Variants in TREML1 observed in about 807,000 individuals in gnomAD.
TREML1 encodes trem-like transcript 1 protein.
In TREML1, 27 loss-of-function variants were observed where a neutral mutation model predicts 22.8. That is an observed-to-expected ratio of 1.19 (90% CI 0.87 to 1.64). The LOEUF is 1.64. Among genes scored for constraint, TREML1 ranks in the 40% most tolerant of loss-of-function variants. TREML1 has a pLI of 0.00. For synonymous variants in TREML1, 153 were observed against 161.9 expected, an observed-to-expected ratio of 0.94 and a Z score of 0.42; for missense variants, 356 against 382.0, an observed-to-expected ratio of 0.93 and a Z score of 0.57.
rs1343310705 is a variant in TREML1, at chr6:41,149,412, G to A, written c.*192C>T. ...AGAAGAACCAGTGGGGGAGTTGGGT[G>A]CAGGGAGGTCTTCCCCAAGACATCT... is the stretch of plus-strand genomic sequence containing the variant. On this transcript the variant is annotated 3_prime_UTR_variant, in exon 6 of 6. Transcript: ENST00000426005. The A allele has an allele frequency of 2.2e-5, 13 of 594,862 alleles. No individual in the cohort carries two copies. Among genetic ancestry groups the A allele is most frequent in the Non-Finnish European group, 3.5e-5 (12 of 342,464 alleles). The allele number at this position is 594,862 out of a possible 1,614,324, so 36.8% of individuals were successfully genotyped here. A position where few individuals can be genotyped will look rare whatever the true frequency, so the allele number is the denominator to read the frequency against.
At position 41,150,384 on chromosome 6, in the gene TREML1, C is replaced by T. The variant is rs185182459; in HGVS notation, c.569-71G>A. 3.0e-5 allele frequency: 45 copies of T among 1,481,242 alleles called. No individual in the cohort carries two copies. The African/African-American group carries it at 5.8e-4, about 19-fold the overall frequency. 91.8% of individuals were successfully genotyped at this position (1,481,242 alleles called of 1,614,324 possible). A position where few individuals can be genotyped will look rare whatever the true frequency, so the allele number is the denominator to read the frequency against. On this transcript the variant is annotated intron_variant, in intron 4 of 5. Coordinates refer to ENST00000426005, the MANE Select transcript of TREML1 (RefSeq NM_178174.4). ...TCAGAGCCCTTCCCTCACTCCCTTC[C>T]TTCAGAAGCCTCTGAAACCTCTTCA...
In TREML1 at chr6:41,150,844, A is replaced by G. The variant is rs1765225365; in HGVS notation, c.543T>C (p.Phe181=). The part of the protein sequence containing the change: ...VGLLVAAVVL[F]AVMAKRKQGN... ...CTTGTTTCCTCTTGGCCATCACAGCAAACAGCACCACCGCTGCCACCAGCA... is the reference window on the plus strand; with the variant it reads ...CTTGTTTCCTCTTGGCCATCACAGCGAACAGCACCACCGCTGCCACCAGCA... The change falls in exon 4 of 6, where the codon TTT becomes TTC. Residue 181 remains phenylalanine, a synonymous_variant. Transcript: ENST00000426005. 1 of 1,613,984 alleles carries G rather than the reference A, an allele frequency of 6.2e-7. No homozygotes were observed. The highest frequency in any genetic ancestry group is 1.3e-5 in the African/African-American group (1 of 74,912).
Position 41,153,923 on chromosome 6 carries a change from C to A in TREML1, c.211G>T (p.Ala71Ser). ...AGAAACGTACGCCTGCCCGCTGGAG[C>A]TCTGCGATCCACAGCTGAGGACACC... ...PLVSSAVDRR[A>S]PAGRRTFLTD... The change falls in exon 2 of 6, where the codon GCT (alanine) becomes TCT (serine). Residue 71 changes from alanine to serine, a missense_variant. By Grantham distance (99) the Ala-to-Ser change is moderately conservative. Transcript: ENST00000426005. 6.2e-7 allele frequency: 1 copy of A among 1,614,204 alleles called. No homozygotes were observed. The highest frequency in any genetic ancestry group is 8.5e-7 in the Non-Finnish European group (1 of 1,180,036).
At position 41,150,786 on chromosome 6, in the gene TREML1, G is replaced by A. The variant is rs1582067055; in HGVS notation, c.568+33C>T. ...ACAACTGGTTGATACTGGAATGGTAGGGCCAGGCTGAGATAGGAAGATAGC... is the reference window on the plus strand; with the variant it reads ...ACAACTGGTTGATACTGGAATGGTAAGGCCAGGCTGAGATAGGAAGATAGC... On this transcript the variant is annotated intron_variant, in intron 4 of 5. Coordinates refer to ENST00000426005, the MANE Select transcript of TREML1 (RefSeq NM_178174.4). 12 of 1,591,722 alleles carry A rather than the reference G, an allele frequency of 7.5e-6. No individual in the cohort carries two copies. In the East Asian group the frequency reaches 2.5e-4, roughly 33 times the overall value.
chr6:41,153,986 C>T lies in TREML1; in HGVS notation c.148G>A (p.Val50Met). ...CCCTCCGGCAAGAACCGGCACCACACCTTCTGAGCTTTGACATCCTGGAGC... is the reference window on the plus strand; with the variant it reads ...CCCTCCGGCAAGAACCGGCACCACATCTTCTGAGCTTTGACATCCTGGAGC... Reference protein sequence around the residue: ...YRLQDVKAQKVWCRFLPEGCQ... With the variant: ...YRLQDVKAQKMWCRFLPEGCQ... Residue 50 changes from valine (V) to methionine (M), a missense_variant, in exon 2 of 6, where the codon GTG becomes ATG. Transcript: ENST00000426005. The T allele has an allele frequency of 6.2e-7, 1 of 1,614,202 alleles. No homozygotes were observed. Among genetic ancestry groups the T allele is most frequent in the East Asian group, 2.2e-5 (1 of 44,870 alleles).
At chr6:41,155,102 TA>T (rs1217172851), upstream of TREML1, among the ~76,000 whole-genome samples, 2 of 152,256 alleles carry the variant, frequency 1.3e-5, no homozygotes, top group Non-Finnish European at 2.9e-5. Flanking sequence ...TTAATATTTT[TA>T]ATTTACAAGA....
intron 3 of TREML1, 124 bp from the exon 4 acceptor site, chr6:41,151,031 G>A: frequency 1.2e-6 from 1 of 841,004 alleles, no homozygotes. Flanking sequence ...GAAATAGAAT[G>A]AGGGGAGCTG....
intron 4 of TREML1, 128 bp downstream of exon 4, chr6:41,150,691 G>A: frequency 1.3e-6 from 1 of 784,980 alleles, no homozygotes. Context: ...AGGATATGGG[G>A]GCCTTGAGAC....
In TREML1 at chr6:41,150,296, A is replaced by G. The variant is rs750588213; in HGVS notation, c.586T>C (p.Cys196Arg). Residue 196 changes from cysteine (C) to arginine (R), a missense_variant, in exon 5 of 6, where the codon TGT (cysteine) becomes CGT (arginine). Physicochemically the swap from Cys to Arg is radical, Grantham distance 180. Coordinates refer to ENST00000426005, the MANE Select transcript of TREML1 (RefSeq NM_178174.4). ...ACTCTGCTGCTCAGGAATCGGCCAC[A>G]GACACCAAGCCTGTTCCCTGGCAGG... ...KRKQGNRLGV[C>R]GRFLSSRVSG... 1.9e-6 allele frequency: 3 copies of G among 1,614,006 alleles called. No individual in the cohort carries two copies. The highest frequency in any genetic ancestry group is 2.5e-6 in the Non-Finnish European group (3 of 1,179,978).
chr6:41,153,467 A>T (rs1015874896), intron 2 of TREML1, among the ~76,000 whole-genome samples: 1 of 152,040 alleles, frequency 6.6e-6, no homozygotes. Flanking sequence ...GTTAGCATCA[A>T]GTATGTTGAA....
intron 2 of TREML1, 65 bp from the exon 3 acceptor site, chr6:41,151,449 T>A: frequency 7.0e-7 from 1 of 1,422,730 alleles, no homozygotes; most frequent in Non-Finnish European, 9.9e-7. Flanking sequence ...TGGGCAGGCT[T>A]CAATATCCTG....
Position 41,153,758 on chromosome 6 carries a change from C to A in TREML1, c.376G>T (p.Glu126Ter), listed in dbSNP as rs775752440. 1.4e-5 allele frequency: 23 copies of A among 1,601,558 alleles called. No individual in the cohort carries two copies. Among genetic ancestry groups the A allele is most frequent in the Middle Eastern group, 1.7e-4 (1 of 6,002 alleles). ...HRVSLNILPP[E>*]EEEETHKIGS... ...TGGTAGCTGGCCTAGGATAACTCAC[C>A]TGGGGGCAGTATGTTCAGAGAGACT... Residue 126 changes from glutamate (E) to a stop codon, truncating the protein, a stop_gained and splice_region_variant, in exon 2 of 6, where the codon GAG becomes TAG. Coordinates refer to ENST00000426005, the MANE Select transcript of TREML1 (RefSeq NM_178174.4). LOFTEE classifies it high-confidence loss of function.
Position 41,153,542 on chromosome 6 carries a change from G to C in TREML1, c.376+216C>G, listed in dbSNP as rs116515123. ...ACATGCCTTCCTGTGGGGAAGCGCA[G>C]TAGTGTGGAAGGGGGAAAGGGATGG... is the stretch of plus-strand genomic sequence containing the variant. On this transcript the variant is annotated intron_variant, in intron 2 of 5. Transcript: ENST00000426005. Among the ~76,000 whole-genome samples the C allele has an allele frequency of 4.0e-3, 607 of 152,218 alleles. 4 individuals are homozygous for C. Among genetic ancestry groups the C allele is most frequent in the African/African-American group, 0.013 (539 of 41,530 alleles).
chr6:41,153,115 T>C (rs1359908972), intron 2 of TREML1, among the ~76,000 whole-genome samples: 1 of 151,602 alleles, frequency 6.6e-6, no homozygotes, highest in Non-Finnish European at 1.5e-5. Flanking sequence ...CAAATGCTTA[T>C]ATACTAGAAA....
intron 1 of TREML1, 46 bp downstream of exon 1, chr6:41,154,200 G>T (rs755690819): frequency 6.2e-7 from 1 of 1,603,562 alleles, no homozygotes; most frequent in Non-Finnish European, 8.5e-7. Context: ...CTGGACATGG[G>T]GCTGAGCATA....
intron 2 of TREML1, 155 bp from the exon 3 acceptor site, chr6:41,151,539 T>A (rs1582067957): frequency 1.5e-6 from 1 of 646,350 alleles, no homozygotes; most frequent in East Asian, 2.7e-5. Context: ...GAGGCTGGGA[T>A]GTTCTTTAGG....
chr6:41,151,625 C>G (rs1032105004), intron 2 of TREML1: 1 of 515,158 alleles, frequency 1.9e-6, no homozygotes, highest in Non-Finnish European at 3.5e-6. Context: ...ACCCACTTTT[C>G]CCTCTACCAC....
At position 41,149,743 on chromosome 6, in the gene TREML1, G is replaced by T. The variant is rs750877525; in HGVS notation, c.797C>A (p.Pro266His). The change falls in exon 6 of 6, where the codon CCC becomes CAC. Residue 266 changes from proline (P) to histidine (H), a missense_variant. Transcript: ENST00000426005. Reference sequence around the variant, plus strand: ...GACCAGGACCTTAGGAGGTAGAGGGGGCAATGAGGATGGAGCTGGGAGTGA... The same window carrying T: ...GACCAGGACCTTAGGAGGTAGAGGGTGCAATGAGGATGGAGCTGGGAGTGA... ...KPSLPAPSSLPPLPPKVLVCS... is the reference protein window; with the variant it reads ...KPSLPAPSSLHPLPPKVLVCS... The T allele has an allele frequency of 1.4e-5, 23 of 1,614,080 alleles. No homozygotes were observed. The highest frequency in any genetic ancestry group is 5.0e-5 in the Admixed American group (3 of 60,016).
rs1252112777 is a variant in TREML1 at position 41,153,759 on chromosome 6, TG to T, written c.374del (p.Pro125GlnfsTer39). On this transcript the variant is annotated frameshift_variant and splice_region_variant, in exon 2 of 6. Coordinates refer to ENST00000426005, the MANE Select transcript of TREML1 (RefSeq NM_178174.4). LOFTEE classifies it high-confidence loss of function. ...GGTAGCTGGCCTAGGATAACTCACC[TG>T]GGGGCAGTATGTTCAGAGAGACTCT... ...LHRVSLNILP[P>X]EEEEETHKIG... The T allele has an allele frequency of 6.2e-7, 1 of 1,602,508 alleles. No individual in the cohort carries two copies. Among genetic ancestry groups the T allele is most frequent in the Admixed American group, 1.7e-5 (1 of 59,080 alleles).
Sources: gnomAD v4.1 joint callset for allele counts (sites outside exome capture counted in the v4.1 genomes callset) on GRCh38, gnomAD v4.1.1 for gene constraint, MANE v1.5 for transcripts, NCBI Gene and HGNC (gene_info 2026-07-23, HGNC 2026-07-21) for gene names.